Variants in LSAMP observed in about 807,000 individuals in gnomAD.
LSAMP encodes limbic system associated membrane protein, also known as limbic system-associated membrane protein.
Under a neutral mutation model 38.6 loss-of-function variants are expected in LSAMP, and 7 were observed. The ratio of observed to expected loss-of-function variants is 0.18; its 90% CI spans 0.10 to 0.34. The LOEUF (loss-of-function observed/expected upper bound fraction) is 0.34, where lower values mean the gene tolerates loss of function less well. Ranked by LOEUF, LSAMP falls within the 10% of genes least tolerant of loss-of-function variation. LSAMP has a pLI of 1.00. For synonymous variants in LSAMP, 154 were observed against 166.8 expected (o/e 0.92, Z 0.59); for missense variants, 313 against 420.0 (o/e 0.75, Z 2.23).
At chr3:116,093,041 G>C (rs2107437002) in intron 1 of LSAMP, among the ~76,000 whole-genome samples, 1 of 152,298 alleles carries the variant, frequency 6.6e-6, no homozygotes, top group Non-Finnish European at 1.5e-5. Flanking sequence ...TATATTTTAT[G>C]TAATCCGCAC....
chr3:116,418,317 C>T (rs2049077554), intron 1 of LSAMP, among the ~76,000 whole-genome samples: 1 of 152,146 alleles, frequency 6.6e-6, no homozygotes, highest in African/African-American at 2.4e-5. Context: ...ATCTCAAACT[C>T]AGCATGTGTA....
chr3:116,072,292 C>CA (rs1159544463), intron 2 of LSAMP, among the ~76,000 whole-genome samples: 2 of 152,092 alleles, frequency 1.3e-5, no homozygotes, highest in African/African-American at 4.8e-5. Flanking sequence ...TTTCTTTATC[C>CA]AGTCTATCAC....
chr3:116,064,567 CAGTAAAGCAT>C (rs1941650907), intron 2 of LSAMP, among the ~76,000 whole-genome samples: 1 of 149,248 alleles, frequency 6.7e-6, no homozygotes, highest in South Asian at 2.1e-4. Flanking sequence ...TGTGAAAAAG[CAGTAAAGCAT>C]AGCCCATATG....
chr3:116,232,766 G>A (rs748169374), intron 1 of LSAMP, among the ~76,000 whole-genome samples: 13 of 127,892 alleles, frequency 1.0e-4, no homozygotes, highest in South Asian at 2.7e-4. Flanking sequence ...AGTCTCAGAT[G>A]AGCATAGGTC....
intron 1 of LSAMP, among the ~76,000 whole-genome samples, chr3:116,235,621 T>C (rs1378376142): frequency 9.9e-5 from 15 of 152,220 alleles, no homozygotes; most frequent in Admixed American, 9.8e-4. Context: ...GACATTCCAA[T>C]AAATACCATT....
At position 115,841,976 on chromosome 3, in the gene LSAMP, C is replaced by G. The variant is rs773008210; in HGVS notation, c.788G>C (p.Gly263Ala). The G allele has an allele frequency of 1.9e-6, 3 of 1,612,460 alleles. No individual in the cohort carries two copies. Among genetic ancestry groups the G allele is most frequent in the Middle Eastern group, 3.6e-4 (2 of 5,494 alleles). Reference sequence around the variant, plus strand: ...GCCCTCCGTGCTCTTAATCTCAAGGCCATTGGCACTATTTATCCTAAGAGT... The same window carrying G: ...GCCCTCCGTGCTCTTAATCTCAAGGGCATTGGCACTATTTATCCTAAGAGT... Reference protein sequence around the residue: ...RDDTRINSANGLEIKSTEGQS... With the variant: ...RDDTRINSANALEIKSTEGQS... Residue 263 changes from glycine (G) to alanine (A), a missense_variant, in exon 6 of 7, where the codon GGC (glycine) becomes GCC (alanine). Gly to Ala is a moderately conservative substitution (Grantham distance 60, BLOSUM62 0). Transcript: ENST00000490035.
chr3:116,425,530 C>A (rs949628746), intron 1 of LSAMP, among the ~76,000 whole-genome samples: 9 of 152,108 alleles, frequency 5.9e-5, no homozygotes, highest in Non-Finnish European at 1.0e-4. Flanking sequence ...AGTTTTACCT[C>A]TTCTTCTTTA....
At chr3:116,198,137 A>C (rs147496243) in intron 1 of LSAMP, among the ~76,000 whole-genome samples, 128 of 152,374 alleles carry the variant, frequency 8.4e-4, no homozygotes, top group Middle Eastern at 3.4e-3. Flanking sequence ...TATGCTAAAA[A>C]TGCATGAACT....
chr3:116,177,689 A>G (rs1307234726), intron 1 of LSAMP, among the ~76,000 whole-genome samples: 2 of 152,188 alleles, frequency 1.3e-5, no homozygotes, highest in Non-Finnish European at 2.9e-5. Context: ...TCATGAGAAA[A>G]AAAGTGAGGG....
intron 3 of LSAMP, among the ~76,000 whole-genome samples, chr3:115,918,344 AT>A (rs1051128085): frequency 2.0e-5 from 3 of 152,244 alleles, no homozygotes; most frequent in African/African-American, 7.2e-5. Flanking sequence ...AAGCTGAGAA[AT>A]GAATGATGTT....
chr3:115,840,147 G>C (rs1297103974), intron 6 of LSAMP, among the ~76,000 whole-genome samples: 3 of 152,036 alleles, frequency 2.0e-5, no homozygotes, highest in Non-Finnish European at 4.4e-5. Context: ...ATAGTTCTTA[G>C]TCTAGGTTAA....
intron 3 of LSAMP, among the ~76,000 whole-genome samples, chr3:115,892,961 G>T (rs111890951): frequency 3.1e-4 from 47 of 151,832 alleles, no homozygotes; most frequent in Middle Eastern, 3.4e-3. Context: ...AGCTGTATGT[G>T]AAATCTCACT....
chr3:116,004,297 G>A (rs550615813), intron 3 of LSAMP, among the ~76,000 whole-genome samples: 1 of 151,978 alleles, frequency 6.6e-6, no homozygotes, highest in South Asian at 2.1e-4. Context: ...GTATTTCATT[G>A]TAATTGAATA....
chr3:116,010,738 T>G (rs1940300084), intron 3 of LSAMP, among the ~76,000 whole-genome samples: 1 of 152,196 alleles, frequency 6.6e-6, no homozygotes, highest in Non-Finnish European at 1.5e-5. Context: ...ATGTCCAGAA[T>G]CTTCTTGGCA....
chr3:116,072,972 T>C (rs565470949), intron 2 of LSAMP, among the ~76,000 whole-genome samples: 1 of 152,316 alleles, frequency 6.6e-6, no homozygotes, highest in South Asian at 2.1e-4. Flanking sequence ...CATCATAAAA[T>C]CTTTGCTTCT....
chr3:116,444,621 G>C (rs371734287), intron 1 of LSAMP, among the ~76,000 whole-genome samples: 3 of 151,716 alleles, frequency 2.0e-5, no homozygotes, highest in Admixed American at 6.6e-5. Context: ...CCTAAGAACC[G>C]AACAACATTT....
chr3:116,138,175 T>C (rs1709292002), intron 1 of LSAMP, among the ~76,000 whole-genome samples: 1 of 152,084 alleles, frequency 6.6e-6, no homozygotes, highest in African/African-American at 2.4e-5. Context: ...AGAATCAAAT[T>C]ATTCCAACAG....
intron 1 of LSAMP, among the ~76,000 whole-genome samples, chr3:116,263,272 T>C (rs1225436884): frequency 1.3e-5 from 2 of 152,148 alleles, no homozygotes; most frequent in African/African-American, 2.4e-5. Flanking sequence ...GTGCGGTGGC[T>C]CATGCCTGTA....
intron 3 of LSAMP, among the ~76,000 whole-genome samples, chr3:115,928,255 CCTTTA>C (rs1442787124): frequency 4.6e-5 from 7 of 152,146 alleles, no homozygotes; most frequent in Non-Finnish European, 7.4e-5. Flanking sequence ...TTAGCTTTCG[CCTTTA>C]CTTCTCATAT....
Sources: gnomAD v4.1 joint callset for allele counts (sites outside exome capture counted in the v4.1 genomes callset) on GRCh38, gnomAD v4.1.1 for gene constraint, MANE v1.5 for transcripts, NCBI Gene and HGNC (gene_info 2026-07-23, HGNC 2026-07-21) for gene names.